The following DCC variants were observed in gnomAD, a reference collection of about 807,000 sequenced individuals.
DCC encodes the protein DCC netrin 1 receptor.
Under a neutral mutation model 172.5 loss-of-function variants are expected in DCC, and 58 were observed. The observed-to-expected ratio is 0.34, with a 90% CI of 0.27 to 0.42. The LOEUF (loss-of-function observed/expected upper bound fraction) is 0.42, where lower values mean the gene tolerates loss of function less well. DCC is among the 10% of genes least tolerant of loss of function. The pLI, the probability that DCC is intolerant of heterozygous loss-of-function variation, is 1.00. For synonymous variants in DCC, 709 were observed against 644.5 expected (o/e 1.10, Z -1.52); for missense variants, 1,740 against 1,791.0 (o/e 0.97, Z 0.51).
chr18:52,911,598 C>T (rs1461742278), intron 3 of DCC, among the ~76,000 whole-genome samples: 1 of 151,926 alleles, frequency 6.6e-6, no homozygotes, highest in Non-Finnish European at 1.5e-5. Context: ...ATTCAATTAA[C>T]TTTGTTGATG....
At chr18:53,212,774 G>A (rs1390058424) in intron 11 of DCC, among the ~76,000 whole-genome samples, 1 of 151,858 alleles carries the variant, frequency 6.6e-6, no homozygotes, top group Non-Finnish European at 1.5e-5. Flanking sequence ...AGGTTCAAGT[G>A]ATTCTCCTGC....
intron 18 of DCC, among the ~76,000 whole-genome samples, chr18:53,402,055 C>G (rs1021554884): frequency 1.8e-4 from 28 of 152,030 alleles, no homozygotes; most frequent in Non-Finnish European, 2.2e-4. Context: ...TAATATGTCA[C>G]CTAGCTAAGA....
intron 5 of DCC, among the ~76,000 whole-genome samples, chr18:52,999,808 T>A (rs1262414518): frequency 6.6e-6 from 1 of 152,068 alleles, no homozygotes; most frequent in East Asian, 1.9e-4. Flanking sequence ...AAAAGATATG[T>A]TGAAGTCCTG....
chr18:53,145,223 C>G (rs1414131198), intron 7 of DCC, among the ~76,000 whole-genome samples: 1 of 146,392 alleles, frequency 6.8e-6, no homozygotes, highest in Non-Finnish European at 1.5e-5. Flanking sequence ...TCGCCATTCT[C>G]CTGCCTCAGC....
At chr18:53,167,420 G>A (rs2054938273) in intron 8 of DCC, among the ~76,000 whole-genome samples, 1 of 152,044 alleles carries the variant, frequency 6.6e-6, no homozygotes, top group African/African-American at 2.4e-5. Flanking sequence ...TCTTTAAGTA[G>A]ATCCCACTCT....
chr18:53,331,051 C>T (rs1476505633), intron 14 of DCC, among the ~76,000 whole-genome samples: 10 of 152,162 alleles, frequency 6.6e-5, no homozygotes, highest in African/African-American at 1.9e-4. Flanking sequence ...TCCTTACATA[C>T]GAACTCTAAT....
chr18:53,147,812 G>C (rs2043938092), intron 7 of DCC, among the ~76,000 whole-genome samples: 1 of 152,152 alleles, frequency 6.6e-6, no homozygotes. Flanking sequence ...ATATCCTTGA[G>C]TAAATTATTT....
chr18:52,929,523 G>T (rs1411855061), intron 5 of DCC, among the ~76,000 whole-genome samples: 2 of 152,108 alleles, frequency 1.3e-5, no homozygotes, highest in Admixed American at 1.3e-4. Context: ...GAGCAGGGAA[G>T]AAAGGAATAC....
At chr18:52,831,134 C>A (rs1177080141) in intron 2 of DCC, among the ~76,000 whole-genome samples, 3 of 152,032 alleles carry the variant, frequency 2.0e-5, no homozygotes, top group African/African-American at 7.3e-5. Context: ...GCAGAGGAAA[C>A]AAGCAGTGGC....
chr18:52,739,092 G>A, intron 1 of DCC, among the ~76,000 whole-genome samples: 1 of 151,738 alleles, frequency 6.6e-6, no homozygotes, highest in Non-Finnish European at 1.5e-5. Flanking sequence ...TGAGTAATAT[G>A]TTGCGCTACT....
At chr18:53,076,442 G>A (rs2042725914) in intron 7 of DCC, among the ~76,000 whole-genome samples, 1 of 152,114 alleles carries the variant, frequency 6.6e-6, no homozygotes, top group African/African-American at 2.4e-5. Context: ...TTAGGGTATG[G>A]TCTCCAGCCT....
intron 1 of DCC, among the ~76,000 whole-genome samples, chr18:52,366,493 C>A (rs918145453): frequency 5.3e-5 from 8 of 152,154 alleles, no homozygotes. Context: ...TTTACAATCC[C>A]TGAGCTAGAT....
chr18:52,428,072 C>G (rs1281772014), intron 1 of DCC, among the ~76,000 whole-genome samples: 1 of 152,002 alleles, frequency 6.6e-6, no homozygotes, highest in Non-Finnish European at 1.5e-5. Flanking sequence ...TGCTACTGTC[C>G]TTATCAATCT....
intron 1 of DCC, among the ~76,000 whole-genome samples, chr18:52,356,412 G>A (rs535786758): frequency 6.6e-6 from 1 of 152,020 alleles, no homozygotes; most frequent in Middle Eastern, 3.2e-3. Flanking sequence ...TTACTAATGC[G>A]TAAAGGGTGT....
intron 1 of DCC, among the ~76,000 whole-genome samples, chr18:52,362,967 C>T (rs934831041): frequency 2.0e-5 from 3 of 151,992 alleles, no homozygotes; most frequent in African/African-American, 4.8e-5. Flanking sequence ...GGCGGGATCT[C>T]GGCTTACTGC....
intron 5 of DCC, among the ~76,000 whole-genome samples, chr18:52,933,237 T>C (rs1251184063): frequency 6.6e-6 from 1 of 152,046 alleles, no homozygotes; most frequent in Non-Finnish European, 1.5e-5. Context: ...GTACTAAGCA[T>C]TCCGCCAAGT....
At chr18:52,453,479 T>C (rs1988368181) in intron 1 of DCC, among the ~76,000 whole-genome samples, 1 of 152,188 alleles carries the variant, frequency 6.6e-6, no homozygotes, top group East Asian at 1.9e-4. Context: ...TGATCTTCAT[T>C]AGTGGCTACC....
intron 2 of DCC, among the ~76,000 whole-genome samples, chr18:52,877,994 C>T (rs999978616): frequency 6.6e-6 from 1 of 151,924 alleles, no homozygotes; most frequent in African/African-American, 2.4e-5. Context: ...AACATATTTC[C>T]TGTGTGTCTC....
chr18:52,613,927 A>C (rs1182011158), intron 1 of DCC, among the ~76,000 whole-genome samples: 2 of 152,208 alleles, frequency 1.3e-5, no homozygotes, highest in Admixed American at 1.3e-4. Context: ...GAAAAGAATT[A>C]TTAGAATAGA....
Sources: gnomAD v4.1 joint callset for allele counts (sites outside exome capture counted in the v4.1 genomes callset) on GRCh38, gnomAD v4.1.1 for gene constraint, MANE v1.5 for transcripts, NCBI Gene and HGNC (gene_info 2026-07-23, HGNC 2026-07-21) for gene names.